TACR1: variants seen among roughly 807,000 people sequenced by gnomAD.
TACR1 encodes substance-P receptor.
A neutral mutation model predicts 35.8 loss-of-function variants in TACR1; 25 were observed. The observed-to-expected ratio is 0.70, with a 90% confidence interval of 0.51 to 0.98. The LOEUF (loss-of-function observed/expected upper bound fraction) is 0.98, where lower values mean the gene tolerates loss of function less well. Among genes scored for constraint, TACR1 ranks in the 50% least tolerant of loss-of-function variants. The pLI, the probability that TACR1 is intolerant of heterozygous loss-of-function variation, is 0.00. For missense variants in TACR1, 478 were observed against 522.9 expected (o/e 0.91, Z 0.84); for synonymous variants, 195 against 206.7 (o/e 0.94, Z 0.48).
At chr2:75,120,214 T>A (rs1207255135) in intron 2 of TACR1, among the ~76,000 whole-genome samples, 1 of 152,166 alleles carries the variant, frequency 6.6e-6, no homozygotes, top group East Asian at 1.9e-4. Flanking sequence ...CTGCAACCTG[T>A]GCAGGAGAGA....
At chr2:75,181,723 G>A (rs1243424165) in intron 1 of TACR1, among the ~76,000 whole-genome samples, 1 of 151,954 alleles carries the variant, frequency 6.6e-6, no homozygotes, top group East Asian at 1.9e-4. Context: ...TTCCCTTTTT[G>A]TTTTAGTTTT....
chr2:75,151,797 C>T (rs1300733283), intron 1 of TACR1, among the ~76,000 whole-genome samples: 1 of 152,196 alleles, frequency 6.6e-6, no homozygotes, highest in Non-Finnish European at 1.5e-5. Context: ...ACACTCAACA[C>T]CAGCCTGTGA....
At chr2:75,134,531 G>T (rs1054678077) in intron 1 of TACR1, among the ~76,000 whole-genome samples, 1 of 152,178 alleles carries the variant, frequency 6.6e-6, no homozygotes, top group Non-Finnish European at 1.5e-5. Flanking sequence ...CGCCTGGGCA[G>T]GGAGGTTGGG....
At chr2:75,101,004 A>T (rs1274626297) in intron 2 of TACR1, among the ~76,000 whole-genome samples, 1 of 152,140 alleles carries the variant, frequency 6.6e-6, no homozygotes. Context: ...TCCAATGTCT[A>T]TACCCAGACA....
At chr2:75,170,982 G>C (rs923284518) in intron 1 of TACR1, among the ~76,000 whole-genome samples, 1 of 152,160 alleles carries the variant, frequency 6.6e-6, no homozygotes. Flanking sequence ...CTGATGATGC[G>C]ATATGAGGAG....
chr2:75,129,132 T>G (rs921486839), intron 1 of TACR1, among the ~76,000 whole-genome samples: 1 of 152,228 alleles, frequency 6.6e-6, no homozygotes, highest in Non-Finnish European at 1.5e-5. Context: ...TTTGAGATTT[T>G]AATTACCGTA....
At chr2:75,133,431 T>C (rs890573452) in intron 1 of TACR1, among the ~76,000 whole-genome samples, 1 of 152,170 alleles carries the variant, frequency 6.6e-6, no homozygotes, top group Non-Finnish European at 1.5e-5. Context: ...GAGTAACACA[T>C]AGTTAACATA....
At chr2:75,196,903 G>C (rs906605371) in intron 1 of TACR1, among the ~76,000 whole-genome samples, 3 of 152,174 alleles carry the variant, frequency 2.0e-5, no homozygotes, top group African/African-American at 7.2e-5. Context: ...TTGTAAGGCT[G>C]AACTGGCATC....
At chr2:75,198,420 C>G in intron 1 of TACR1, 126 bp downstream of exon 1, 1 of 1,081,180 alleles carries the variant, frequency 9.2e-7, no homozygotes, top group Non-Finnish European at 1.3e-6. Flanking sequence ...CTCAGTTGAT[C>G]AGTAAAAAAA....
intron 1 of TACR1, among the ~76,000 whole-genome samples, chr2:75,196,310 G>T (rs2103639074): frequency 6.6e-6 from 1 of 152,312 alleles, no homozygotes; most frequent in African/African-American, 2.4e-5. Context: ...TGGAAGGCCT[G>T]AGGGGGTGAG....
chr2:75,154,510 ACACACACACACACACACT>A, intron 1 of TACR1: 4 of 143,032 alleles, frequency 2.8e-5, no homozygotes, highest in African/African-American at 5.3e-5. Flanking sequence ...ACACACACAC[ACACACACACACACACACT>A]CTCTGAAGAA....
rs554808817 is a variant in TACR1 at position 75,098,934 on chromosome 2, G to T, written c.584+21640C>A. On this transcript the variant is annotated intron_variant, in intron 2 of 4. Coordinates refer to ENST00000305249, the MANE Select transcript of TACR1 (RefSeq NM_001058.4). Reference sequence around the variant, plus strand: ...AGGCTTTTTTTTTTTTTCTTTTCTTGCTCTCACATTTATTCCCCTCAGAAC... The same window carrying T: ...AGGCTTTTTTTTTTTTTCTTTTCTTTCTCTCACATTTATTCCCCTCAGAAC... 5.1e-3 allele frequency among the ~76,000 whole-genome samples: 649 copies of T among 127,808 alleles called. 2 individuals are homozygous for T. The highest frequency in any genetic ancestry group is 0.017 in the African/African-American group (581 of 33,284). The allele number at this position is 127,808 out of a possible 152,430, so 83.8% of individuals were successfully genotyped here.
At position 75,111,855 on chromosome 2, in the gene TACR1, C is replaced by T. The variant is rs558102734; in HGVS notation, c.584+8719G>A. ...TAAAGTGGTAGGGGTAGAAACAGGG[C>T]GAGTATGAGAGAGAGAGAGAGAAAC... On this transcript the variant is annotated intron_variant, in intron 2 of 4. Transcript: ENST00000305249. Among the ~76,000 whole-genome samples, 8 of 151,468 alleles carry T rather than the reference C, an allele frequency of 5.3e-5. No homozygotes were observed. In the East Asian group the frequency reaches 9.7e-4, roughly 18 times the overall value.
chr2:75,055,909 C>G lies in TACR1; in HGVS notation c.585-2154G>C, dbSNP rs551214717. Reference sequence around the variant, plus strand: ...GATGCCGATGTTGCTGTTTGTGGTTCAGACTTTGAGAAACATTGTCTTAGG... The same window carrying G: ...GATGCCGATGTTGCTGTTTGTGGTTGAGACTTTGAGAAACATTGTCTTAGG... On this transcript the variant is annotated intron_variant, in intron 2 of 4. Coordinates refer to ENST00000305249, the MANE Select transcript of TACR1 (RefSeq NM_001058.4). Among the ~76,000 whole-genome samples, 7 of 152,328 alleles carry G rather than the reference C, an allele frequency of 4.6e-5. No individual in the cohort carries two copies. The South Asian group carries it at 1.2e-3, about 27-fold the overall frequency.
chr2:75,157,101 G>C (rs1218942633), intron 1 of TACR1, among the ~76,000 whole-genome samples: 1 of 152,132 alleles, frequency 6.6e-6, no homozygotes, highest in African/African-American at 2.4e-5. Context: ...GGCTAGAAGG[G>C]ATTATCTCAT....
intron 3 of TACR1, among the ~76,000 whole-genome samples, chr2:75,052,074 T>C (rs76343847): frequency 0.012 from 1,753 of 152,276 alleles, 36 homozygotes; most frequent in African/African-American, 0.041. Context: ...TTAAAAGGTT[T>C]TGTGAATACT....
At position 75,100,047 on chromosome 2, in the gene TACR1, C is replaced by T. The variant is rs78674644; in HGVS notation, c.584+20527G>A. On this transcript the variant is annotated intron_variant, in intron 2 of 4. Transcript: ENST00000305249. ...ATGATTTCCAGCCTGGGATCTCTTC[C>T]CTTATTCCCATTCTTCCTCACCTAC... 5.3e-3 allele frequency among the ~76,000 whole-genome samples: 807 copies of T among 152,234 alleles called. 3 individuals carry two copies. Among genetic ancestry groups the T allele is most frequent in the Admixed American group, 9.2e-3 (141 of 15,298 alleles).
chr2:75,132,224 T>G (rs1674191181), intron 1 of TACR1, among the ~76,000 whole-genome samples: 1 of 152,136 alleles, frequency 6.6e-6, no homozygotes, highest in Admixed American at 6.5e-5. Context: ...AGTGATTAAA[T>G]TTGGCAAAAC....
intron 1 of TACR1, among the ~76,000 whole-genome samples, chr2:75,132,563 CT>C (rs1454771665): frequency 6.6e-6 from 1 of 152,096 alleles, no homozygotes; most frequent in East Asian, 1.9e-4. Context: ...TATTTAGTGT[CT>C]CTGTTAACTC....
Sources: gnomAD v4.1 joint callset for allele counts (sites outside exome capture counted in the v4.1 genomes callset) on GRCh38, gnomAD v4.1.1 for gene constraint, MANE v1.5 for transcripts, NCBI Gene and HGNC (gene_info 2026-07-23, HGNC 2026-07-21) for gene names.